The following LRRC47 variants were observed in gnomAD, a reference collection of about 807,000 sequenced individuals.
LRRC47 encodes the protein leucine rich repeat containing 47, also known as leucine-rich repeat-containing protein 47.
A neutral mutation model predicts 40.9 loss-of-function variants in LRRC47; 31 were observed. The observed-to-expected ratio is 0.76, with a 90% confidence interval of 0.57 to 1.02. The LOEUF is 1.02. LRRC47 is among the 50% of genes least tolerant of loss of function. The pLI, the probability that LRRC47 is intolerant of heterozygous loss-of-function variation, is 0.00. For missense variants in LRRC47, 726 were observed against 796.1 expected (o/e 0.91, Z 1.06); for synonymous variants, 427 against 371.9 (o/e 1.15, Z -1.70).
At chr1:3,793,554 G>A (rs1010186208) in intron 1 of LRRC47, among the ~76,000 whole-genome samples, 1 of 152,120 alleles carries the variant, frequency 6.6e-6, no homozygotes, top group Admixed American at 6.6e-5. Context: ...TTCTGCTAAG[G>A]GGTAGACATA....
chr1:3,790,491 G>C (rs966594619), intron 1 of LRRC47, among the ~76,000 whole-genome samples: 1 of 152,226 alleles, frequency 6.6e-6, no homozygotes, highest in Non-Finnish European at 1.5e-5. Context: ...ACACGCCTGC[G>C]TGATGGCCAC....
In LRRC47 at chr1:3,781,354, C is replaced by G. The variant is rs1557639934; in HGVS notation, c.1504-18G>C. The G allele has an allele frequency of 6.2e-7, 1 of 1,608,538 alleles. No homozygotes were observed. Among genetic ancestry groups the G allele is most frequent in the Middle Eastern group, 1.7e-4 (1 of 6,038 alleles). ...GCCATTTTCTGCAAATAAAAAATAC[C>G]TTTTTAACCTGGAGATGAGAGGTGA... On this transcript the variant is annotated intron_variant, in intron 6 of 6. Transcript: ENST00000378251.
chr1:3,783,991 C>T lies in LRRC47; in HGVS notation c.1310+5G>A. 6.2e-7 allele frequency: 1 copy of T among 1,602,168 alleles called. No homozygotes were observed. Among genetic ancestry groups the T allele is most frequent in the Non-Finnish European group, 8.5e-7 (1 of 1,177,864 alleles). ...CGGCCCCACCCCACCAGGCACGCTGCCCACCTGTGCAGGCCCGACACACTC... is the reference window on the plus strand; with the variant it reads ...CGGCCCCACCCCACCAGGCACGCTGTCCACCTGTGCAGGCCCGACACACTC... On this transcript the variant is annotated splice_donor_5th_base_variant and intron_variant, in intron 4 of 6. Coordinates refer to ENST00000378251, the MANE Select transcript of LRRC47 (RefSeq NM_020710.3).
intron 1 of LRRC47, among the ~76,000 whole-genome samples, chr1:3,787,725 C>G (rs1446158308): frequency 6.6e-6 from 1 of 152,096 alleles, no homozygotes; most frequent in Non-Finnish European, 1.5e-5. Context: ...AGGTGAGAAG[C>G]AGGTTCCCCA....
chr1:3,784,199 C>A (rs1288774960), intron 3 of LRRC47, 88 bp from the exon 4 acceptor site: 2 of 1,079,436 alleles, frequency 1.9e-6, no homozygotes, highest in South Asian at 1.4e-5. Flanking sequence ...CCTCAATGAG[C>A]CCTCCCGACT....
At chr1:3,790,302 G>T (rs1227920880) in intron 1 of LRRC47, among the ~76,000 whole-genome samples, 5 of 152,214 alleles carry the variant, frequency 3.3e-5, no homozygotes, top group Non-Finnish European at 7.3e-5. Context: ...TCGGAAGCTG[G>T]GGGAGAGCCT....
In LRRC47 at chr1:3,796,326, G is replaced by A. The variant is rs1643676029; in HGVS notation, c.151C>T (p.Leu51=). 1.3e-6 allele frequency: 2 copies of A among 1,508,216 alleles called. No individual in the cohort carries two copies. The highest frequency in any genetic ancestry group is 1.4e-5 in the African/African-American group (1 of 69,208). 93.4% of individuals were successfully genotyped at this position (1,508,216 alleles called of 1,614,324 possible). A position where few individuals can be genotyped will look rare whatever the true frequency, so the allele number is the denominator to read the frequency against. The change falls in exon 1 of 7, where the codon CTG becomes TTG. Residue 51 remains leucine, a synonymous_variant. Transcript: ENST00000378251. ...QLPPRLFTLP[L]LHYLEVSGCG... ...CCGCTCACTTCCAAGTAGTGCAGCA[G>A]CGGCAGGGTGAAAAGCCGCGGCGGC...
chr1:3,781,211 G>A lies in LRRC47; in HGVS notation c.1629C>T (p.Asp543=), dbSNP rs774557849. The change falls in exon 7 of 7, where the codon GAC becomes GAT. Residue 543 remains aspartate (D), a synonymous_variant. Transcript: ENST00000378251. ...GCTCCACCACCAGAAGGGAGGGCCC[G>A]TCCTTTCCAGCACTGGGATTCGTTG... is the stretch of plus-strand genomic sequence containing the variant. ...DPTTNPSAGK[D]GPSLLVVEQV... is the part of the protein sequence containing the mutation. 9.9e-6 allele frequency: 16 copies of A among 1,614,058 alleles called. No homozygotes were observed. Among genetic ancestry groups the A allele is most frequent in the African/African-American group, 1.3e-5 (1 of 74,916 alleles).
At chr1:3,786,268 C>T (rs1106265) in intron 2 of LRRC47, among the ~76,000 whole-genome samples, 15,930 of 152,146 alleles carry the variant, frequency 0.1, 867 homozygotes, top group Middle Eastern at 0.14. Flanking sequence ...GAGGCCAAGG[C>T]GGGTGGACTG....
chr1:3,785,939 G>T (rs1435270762), intron 2 of LRRC47, among the ~76,000 whole-genome samples: 2 of 148,944 alleles, frequency 1.3e-5, no homozygotes, highest in African/African-American at 2.5e-5. Context: ...GTGCAATCTT[G>T]GCTCACTGCA....
chr1:3,782,082 AG>A (rs1280892110), intron 5 of LRRC47, among the ~76,000 whole-genome samples: 1 of 152,178 alleles, frequency 6.6e-6, no homozygotes. Flanking sequence ...CGCAGCACCG[AG>A]CATGAACAGT....
At chr1:3,788,848 C>T (rs555264376) in intron 1 of LRRC47, among the ~76,000 whole-genome samples, 17 of 152,252 alleles carry the variant, frequency 1.1e-4, no homozygotes, top group South Asian at 6.2e-4. Flanking sequence ...GCTCGCGTGC[C>T]CTCTGGGAGA....
chr1:3,787,322 A>ATTT lies in LRRC47; in HGVS notation c.616-13_616-12insAAA. 1 of 1,602,650 alleles carries ATTT rather than the reference A, an allele frequency of 6.2e-7. No homozygotes were observed. The highest frequency in any genetic ancestry group is 1.7e-5 in the Admixed American group (1 of 59,518). ...GAGAGGTCCAACGTCTGCAAAGAGA[A>ATTT]ACATGGACGCGTCAGACGCCCGGAC... On this transcript the variant is annotated splice_polypyrimidine_tract_variant and intron_variant, in intron 1 of 6. Transcript: ENST00000378251.
At chr1:3,795,589 G>T (rs147463706) in intron 1 of LRRC47, among the ~76,000 whole-genome samples, 1 of 152,244 alleles carries the variant, frequency 6.6e-6, no homozygotes, top group East Asian at 1.9e-4. Context: ...TTACAAAATA[G>T]CGTACCACGT....
rs762800975 is a variant in LRRC47 at position 3,795,870 on chromosome 1, AG to A, written c.606del (p.Ser203ArgfsTer12). 6.3e-7 allele frequency: 1 copy of A among 1,587,148 alleles called. No individual in the cohort carries two copies. The highest frequency in any genetic ancestry group is 1.1e-5 in the South Asian group (1 of 88,790). On this transcript the variant is annotated frameshift_variant, in exon 1 of 7. Transcript: ENST00000378251. LOFTEE classifies it high-confidence loss of function. ...RELSPDIAHL[A>X]SLKTLDLSNN... The stretch of plus-strand genomic sequence containing the variant: ...GGGCAGCCCCCGCTGACCTTGAGCG[AG>A]GCCAGGTGGGCGATGTCGGGGCTGA...
chr1:3,785,051 A>G lies in LRRC47; in HGVS notation c.1194+36T>C, dbSNP rs767943177. ...CATGGCGTCTTTCGACACCAAGGAG[A>G]CTCTTCAGCAGACCCTGCAAAGGAG... On this transcript the variant is annotated intron_variant, in intron 3 of 6. Transcript: ENST00000378251. 2.0e-6 allele frequency: 3 copies of G among 1,483,942 alleles called. No individual in the cohort carries two copies. In the South Asian group the frequency reaches 3.6e-5, roughly 18 times the overall value. The allele number at this position is 1,483,942 out of a possible 1,614,324, so 91.9% of individuals were successfully genotyped here.
At chr1:3,791,104 C>T (rs1399978688) in intron 1 of LRRC47, among the ~76,000 whole-genome samples, 2 of 152,104 alleles carry the variant, frequency 1.3e-5, no homozygotes, top group Non-Finnish European at 2.9e-5. Context: ...AGACGACACA[C>T]GGAGAAGCCC....
rs914338820 is a variant in LRRC47, at chr1:3,778,590, G to C, written c.*2498C>G. 1 of 153,878 alleles carries C rather than the reference G, an allele frequency of 6.5e-6. No individual in the cohort carries two copies. Among genetic ancestry groups the C allele is most frequent in the Non-Finnish European group, 1.5e-5 (1 of 68,256 alleles). 9.5% of individuals were successfully genotyped at this position (153,878 alleles called of 1,614,324 possible). A position where few individuals can be genotyped will look rare whatever the true frequency, so the allele number is the denominator to read the frequency against. On this transcript the variant is annotated 3_prime_UTR_variant, in exon 7 of 7. Coordinates refer to ENST00000378251, the MANE Select transcript of LRRC47 (RefSeq NM_020710.3). ...CGGAGCTGTTTTTATTAGTGAGTCG[G>C]GGGGTGGGGTGGGGTGAAGAAAACA...
intron 5 of LRRC47, 69 bp downstream of exon 5, chr1:3,782,592 G>A (rs1249112034): frequency 1.7e-5 from 16 of 959,310 alleles, no homozygotes; most frequent in Middle Eastern, 2.1e-4. Flanking sequence ...ACCACGCCCC[G>A]CAGACTTGTG....
Sources: allele counts gnomAD v4.1 joint callset (sites outside exome capture counted in the v4.1 genomes callset), GRCh38; gene constraint gnomAD v4.1.1; transcripts MANE v1.5; gene names NCBI Gene and HGNC (gene_info 2026-07-23, HGNC 2026-07-21).